The following PRSS12 variants were observed in gnomAD, a reference collection of about 807,000 sequenced individuals.
PRSS12 encodes the protein serine protease 12.
Under a neutral mutation model 104.4 loss-of-function variants are expected in PRSS12, and 85 were observed. The ratio of observed to expected loss-of-function variants is 0.81; its 90% CI spans 0.68 to 0.98. The LOEUF (loss-of-function observed/expected upper bound fraction) is 0.98. Ranked by LOEUF, PRSS12 falls within the 50% of genes least tolerant of loss-of-function variation. The pLI, the probability that PRSS12 is intolerant of heterozygous loss-of-function variation, is 0.00. For missense variants in PRSS12, 1,141 were observed against 1,139.2 expected (o/e 1.00, Z -0.02); for synonymous variants, 454 against 425.2 (o/e 1.07, Z -0.83).
intron 8 of PRSS12, among the ~76,000 whole-genome samples, chr4:118,299,765 TAAATA>T (rs1258442709): frequency 3.3e-3 from 259 of 77,328 alleles, no homozygotes; most frequent in African/African-American, 0.012. Flanking sequence ...TAAATAAAAT[TAAATA>T]AAATAAAATA....
At chr4:118,339,571 G>T (rs1260741376) in intron 1 of PRSS12, among the ~76,000 whole-genome samples, 1 of 152,148 alleles carries the variant, frequency 6.6e-6, no homozygotes, top group Non-Finnish European at 1.5e-5. Flanking sequence ...ATAAATGGAG[G>T]TGAGCATTGT....
chr4:118,293,570 A>C (rs1361501782), intron 11 of PRSS12, among the ~76,000 whole-genome samples: 1 of 152,214 alleles, frequency 6.6e-6, no homozygotes, highest in Non-Finnish European at 1.5e-5. Flanking sequence ...ATATCCAAAA[A>C]TTTAAAAAAT....
intron 9 of PRSS12, among the ~76,000 whole-genome samples, chr4:118,297,606 C>G (rs1157110373): frequency 6.6e-6 from 1 of 151,974 alleles, no homozygotes; most frequent in African/African-American, 2.4e-5. Flanking sequence ...GCCCCTCAGA[C>G]AGCAAAGAAT....
chr4:118,289,090 G>A (rs909969671), intron 11 of PRSS12, among the ~76,000 whole-genome samples: 2 of 152,114 alleles, frequency 1.3e-5, no homozygotes, highest in East Asian at 1.9e-4. Flanking sequence ...GAGGCTAGCG[G>A]CATTATGGCA....
chr4:118,339,170 G>A (rs1486935204), intron 1 of PRSS12, among the ~76,000 whole-genome samples: 1 of 152,134 alleles, frequency 6.6e-6, no homozygotes, highest in Non-Finnish European at 1.5e-5. Context: ...ATTGGGACTG[G>A]TTCCAGAGCA....
Position 118,352,585 on chromosome 4 carries a change from A to G in PRSS12, c.136T>C (p.Tyr46His). 1.9e-6 allele frequency: 3 copies of G among 1,597,568 alleles called. No individual in the cohort carries two copies. The highest frequency in any genetic ancestry group is 2.3e-5 in the South Asian group (2 of 88,740). Residue 46 changes from tyrosine to histidine, a missense_variant, in exon 1 of 13, where the codon TAC becomes CAC. Coordinates refer to ENST00000296498, the MANE Select transcript of PRSS12 (RefSeq NM_003619.4). The stretch of plus-strand genomic sequence containing the variant: ...GGGGGCCGCTGCTGGGTGGGAAGGT[A>G]ATAGGGGTAGTGCGGACCCGCAGGG... The part of the protein sequence containing the change: ...SPPAGPHYPY[Y>H]LPTQQRPPRT...
chr4:118,340,789 C>G (rs146873074), intron 1 of PRSS12, among the ~76,000 whole-genome samples: 2,108 of 152,310 alleles, frequency 0.014, 30 homozygotes, highest in Admixed American at 0.021. Context: ...ATAGGAGATA[C>G]TGCCCATTTT....
At position 118,282,059 on chromosome 4, in the gene PRSS12, T is replaced by G; in HGVS notation, c.2505A>C (p.Gly835=). 1 of 1,614,148 alleles carries G rather than the reference T, an allele frequency of 6.2e-7. No homozygotes were observed. Among genetic ancestry groups the G allele is most frequent in the Non-Finnish European group, 8.5e-7 (1 of 1,180,040 alleles). Residue 835 remains glycine (G), a synonymous_variant, in exon 13 of 13, where the codon GGA becomes GGC. Transcript: ENST00000296498. ...TCACCCCATACACCACCCAGCTCTC[T>G]CCGGGCCGTTCACACATGAGTGGTC... ...SGGPLMCERP[G]ESWVVYGVTS... is the part of the protein sequence containing the mutation.
At position 118,338,239 on chromosome 4, in the gene PRSS12, G is replaced by A; in HGVS notation, c.578C>T (p.Thr193Ile). ...VEVYASGVWG[T>I]VCSSHWDDSD... is the part of the protein sequence containing the mutation. ...ATCATCCCAGTGGCTGCTACAGACAGTGCCCCAAACTCCACTTGCATATAC... is the reference window on the plus strand; with the variant it reads ...ATCATCCCAGTGGCTGCTACAGACAATGCCCCAAACTCCACTTGCATATAC... Residue 193 changes from threonine (T) to isoleucine (I), a missense_variant, in exon 2 of 13, where the codon ACT becomes ATT. Transcript: ENST00000296498. 1 of 1,614,040 alleles carries A rather than the reference G, an allele frequency of 6.2e-7. No homozygotes were observed. The highest frequency in any genetic ancestry group is 8.5e-7 in the Non-Finnish European group (1 of 1,179,954).
At chr4:118,350,216 G>A (rs1351723378) in intron 1 of PRSS12, among the ~76,000 whole-genome samples, 3 of 152,168 alleles carry the variant, frequency 2.0e-5, no homozygotes, top group Non-Finnish European at 4.4e-5. Flanking sequence ...AAAGCTCTAA[G>A]AGTTAAGAGT....
intron 11 of PRSS12, among the ~76,000 whole-genome samples, chr4:118,293,642 A>G (rs1056837245): frequency 6.6e-6 from 1 of 152,224 alleles, no homozygotes; most frequent in African/African-American, 2.4e-5. Flanking sequence ...CAAAGAATTC[A>G]TGAAAGAGGA....
intron 4 of PRSS12, 106 bp from the exon 5 acceptor site, chr4:118,318,662 A>G: frequency 9.0e-7 from 1 of 1,110,892 alleles, no homozygotes; most frequent in Non-Finnish European, 1.3e-6. Context: ...CCCACTTATT[A>G]ATTCACTTCA....
intron 7 of PRSS12, among the ~76,000 whole-genome samples, chr4:118,312,471 A>G (rs769342262): frequency 7.1e-6 from 1 of 141,170 alleles, no homozygotes; most frequent in Non-Finnish European, 1.5e-5. Flanking sequence ...TTTTTCATTC[A>G]TATATATTCT....
chr4:118,339,297 A>C (rs937986715), intron 1 of PRSS12, among the ~76,000 whole-genome samples: 8 of 152,166 alleles, frequency 5.3e-5, no homozygotes, highest in Non-Finnish European at 8.8e-5. Context: ...ACAGGTAAGA[A>C]AATTAAGAAA....
chr4:118,352,602 C>G lies in PRSS12; in HGVS notation c.119G>C (p.Gly40Ala), dbSNP rs762547350. ...HHSHRHSPPAGPHYPYYLPTQ... is the reference protein window; with the variant it reads ...HHSHRHSPPAAPHYPYYLPTQ... ...GGGAAGGTAATAGGGGTAGTGCGGACCCGCAGGGGGCGAATGGCGGTGGCT... is the reference window on the plus strand; with the variant it reads ...GGGAAGGTAATAGGGGTAGTGCGGAGCCGCAGGGGGCGAATGGCGGTGGCT... Residue 40 changes from glycine to alanine, a missense_variant, in exon 1 of 13, where the codon GGT becomes GCT. Gly to Ala is a moderately conservative substitution (Grantham distance 60). Transcript: ENST00000296498. The G allele has an allele frequency of 1.2e-6, 2 of 1,608,940 alleles. No individual in the cohort carries two copies. The highest frequency in any genetic ancestry group is 1.1e-5 in the South Asian group (1 of 89,932).
chr4:118,305,494 A>T (rs1373573057), intron 8 of PRSS12, among the ~76,000 whole-genome samples: 1 of 152,082 alleles, frequency 6.6e-6, no homozygotes, highest in Non-Finnish European at 1.5e-5. Flanking sequence ...TAATCAATAT[A>T]AAAAATCTTC....
intron 11 of PRSS12, among the ~76,000 whole-genome samples, chr4:118,284,217 G>C (rs1270933603): frequency 6.6e-6 from 1 of 152,052 alleles, no homozygotes; most frequent in Non-Finnish European, 1.5e-5. Context: ...GACGCCACTG[G>C]TACATGGTAC....
In PRSS12 at chr4:118,351,934, C is replaced by T. The variant is rs540811046; in HGVS notation, c.502+285G>A. ...CCCAATACACGAGCGCACACACACA[C>T]ACAGTGGCCAGAGGACAGAGCAAAT... On this transcript the variant is annotated intron_variant, in intron 1 of 12. Coordinates refer to ENST00000296498, the MANE Select transcript of PRSS12 (RefSeq NM_003619.4). Among the ~76,000 whole-genome samples, 4 of 152,294 alleles carry T rather than the reference C, an allele frequency of 2.6e-5. No individual in the cohort carries two copies. The South Asian group carries it at 8.3e-4, about 32-fold the overall frequency.
At chr4:118,316,406 T>C in intron 5 of PRSS12, 83 bp from the exon 6 acceptor site, 2 of 1,555,082 alleles carry the variant, frequency 1.3e-6, no homozygotes, top group African/African-American at 1.4e-5. Flanking sequence ...ACAAGAAATA[T>C]CACCATATTC....
Sources: gnomAD v4.1 joint callset for allele counts (sites outside exome capture counted in the v4.1 genomes callset) on GRCh38, gnomAD v4.1.1 for gene constraint, MANE v1.5 for transcripts, NCBI Gene and HGNC (gene_info 2026-07-23, HGNC 2026-07-21) for gene names.